The following PRKD3 variants were observed in gnomAD, a reference collection of about 807,000 sequenced individuals.
PRKD3 encodes the protein protein kinase D3.
A neutral mutation model predicts 99.2 loss-of-function variants in PRKD3; 47 were observed. The observed-to-expected ratio is 0.47, with a 90% CI of 0.38 to 0.60. PRKD3 has a LOEUF of 0.60. PRKD3 is among the 20% of genes least tolerant of loss of function. The pLI is 0.00. For missense variants in PRKD3, 1,019 were observed against 1,088.4 expected (o/e 0.94, Z 0.90); for synonymous variants, 392 against 355.4 (o/e 1.10, Z -1.16).
intron 11 of PRKD3, 122 bp downstream of exon 11, chr2:37,274,299 G>A (rs942820907): frequency 5.5e-6 from 6 of 1,098,898 alleles, no homozygotes; most frequent in Non-Finnish European, 7.8e-6. Flanking sequence ...GGTTACTAAA[G>A]TATTGGTTAC....
chr2:37,312,511 G>A (rs563394107), intron 2 of PRKD3, among the ~76,000 whole-genome samples: 2 of 152,286 alleles, frequency 1.3e-5, no homozygotes, highest in Admixed American at 6.5e-5. Flanking sequence ...AGCTCTTATA[G>A]TGTAAATAAG....
At chr2:37,312,446 T>C (rs1229484932) in intron 2 of PRKD3, among the ~76,000 whole-genome samples, 2 of 152,232 alleles carry the variant, frequency 1.3e-5, no homozygotes, top group African/African-American at 2.4e-5. Flanking sequence ...ACAGCTTTTC[T>C]ATCGTACTAC....
At chr2:37,318,868 G>A (rs973954049) in intron 1 of PRKD3, among the ~76,000 whole-genome samples, 14 of 152,054 alleles carry the variant, frequency 9.2e-5, no homozygotes, top group African/African-American at 2.4e-4. Context: ...AAGTTCTGGC[G>A]GCTGGAGAAG....
chr2:37,284,048 GC>G (rs1323614763), intron 6 of PRKD3, among the ~76,000 whole-genome samples: 7 of 151,886 alleles, frequency 4.6e-5, no homozygotes, highest in Admixed American at 2.0e-4. Context: ...CTTTACATAC[GC>G]TTTTAAGCTA....
At chr2:37,292,345 T>G (rs1039462547) in intron 3 of PRKD3, among the ~76,000 whole-genome samples, 62 of 151,452 alleles carry the variant, frequency 4.1e-4, no homozygotes, top group Non-Finnish European at 1.6e-4. Flanking sequence ...TATCCTGATT[T>G]TTTCCTTTTT....
intron 2 of PRKD3, among the ~76,000 whole-genome samples, chr2:37,295,703 T>G (rs1670644560): frequency 6.6e-6 from 1 of 152,250 alleles, no homozygotes. Context: ...ATTAAATTAC[T>G]TGATGGCTGT....
intron 2 of PRKD3, among the ~76,000 whole-genome samples, chr2:37,311,269 C>G (rs1479889336): frequency 1.3e-5 from 2 of 152,180 alleles, no homozygotes; most frequent in Non-Finnish European, 1.5e-5. Flanking sequence ...ATATTTCCAA[C>G]AAGGTGACAG....
chr2:37,300,527 T>G (rs777991736), intron 2 of PRKD3, among the ~76,000 whole-genome samples: 1 of 152,214 alleles, frequency 6.6e-6, no homozygotes, highest in East Asian at 1.9e-4. Context: ...AAGAGTAGAA[T>G]TGGACTGTTC....
chr2:37,315,128 T>C (rs1372227885), intron 2 of PRKD3, among the ~76,000 whole-genome samples: 2 of 152,206 alleles, frequency 1.3e-5, no homozygotes, highest in Admixed American at 1.3e-4. Flanking sequence ...ATAGAAAGTT[T>C]ACAATTTGTT....
chr2:37,277,881 G>C lies in PRKD3; in HGVS notation c.1281C>G (p.Thr427=), dbSNP rs112046816. Residue 427 remains threonine (T), a synonymous_variant, in exon 9 of 19, where the codon ACC becomes ACG. Coordinates refer to ENST00000234179, the MANE Select transcript of PRKD3 (RefSeq NM_005813.6). Reference sequence around the variant, plus strand: ...GATTACTGACCAGGTTATCCCTGCTGGTGTAATGGACCATCCACCCTTCCT... The same window carrying C: ...GATTACTGACCAGGTTATCCCTGCTCGTGTAATGGACCATCCACCCTTCCT... ...MVKEGWMVHY[T]SRDNLRKRHY... is the part of the protein sequence containing the mutation. 1 of 1,613,326 alleles carries C rather than the reference G, an allele frequency of 6.2e-7. No individual in the cohort carries two copies.
intron 8 of PRKD3, chr2:37,278,937 A>C (rs1466709357): frequency 6.7e-6 from 1 of 150,318 alleles, no homozygotes; most frequent in Non-Finnish European, 1.5e-5. Context: ...TCTGTCTCAA[A>C]AAAAAAAAAA....
chr2:37,269,748 T>G (rs1669100079), intron 12 of PRKD3, 61 bp from the exon 13 acceptor site: 9 of 1,205,730 alleles, frequency 7.5e-6, no homozygotes, highest in African/African-American at 1.5e-5. Context: ...TCAACATCTC[T>G]GACTTTCTTC....
At chr2:37,256,560 A>G (rs892974884) in intron 17 of PRKD3, 102 bp downstream of exon 17, 1 of 1,347,392 alleles carries the variant, frequency 7.4e-7, no homozygotes, top group African/African-American at 1.5e-5. Context: ...TGTACTAAAA[A>G]GATAAGTTGC....
chr2:37,260,444 C>G, intron 14 of PRKD3, 60 bp from the exon 15 acceptor site: 1 of 1,425,946 alleles, frequency 7.0e-7, no homozygotes, highest in Non-Finnish European at 9.8e-7. Context: ...TTACTAATAT[C>G]TAGATGTGCT....
At chr2:37,273,408 C>A (rs1228398826) in intron 11 of PRKD3, among the ~76,000 whole-genome samples, 1 of 152,130 alleles carries the variant, frequency 6.6e-6, no homozygotes, top group Non-Finnish European at 1.5e-5. Flanking sequence ...CTTGTCTCAA[C>A]TAAATAATGT....
At chr2:37,319,406 C>T (rs1040506674) in intron 1 of PRKD3, among the ~76,000 whole-genome samples, 1 of 151,920 alleles carries the variant, frequency 6.6e-6, no homozygotes, top group African/African-American at 2.4e-5. Context: ...ATAATAAAGG[C>T]ATAAAGAATA....
At chr2:37,300,751 T>C (rs1334369616) in intron 2 of PRKD3, among the ~76,000 whole-genome samples, 2 of 152,180 alleles carry the variant, frequency 1.3e-5, no homozygotes, top group African/African-American at 4.8e-5. Flanking sequence ...GTATGAGCAA[T>C]ACCCAATGAG....
chr2:37,297,936 C>T (rs1183348949), intron 2 of PRKD3, among the ~76,000 whole-genome samples: 1 of 152,194 alleles, frequency 6.6e-6, no homozygotes, highest in Non-Finnish European at 1.5e-5. Context: ...TCATTATGAG[C>T]AGAGCACTTA....
Position 37,293,125 on chromosome 2 carries a change from T to C in PRKD3, c.427+8A>G, listed in dbSNP as rs373750967. ...AAAGGCAATCACTCTAAAAAGCCAC[T>C]TACTTACCTGAAAGAACCACTTCCA... is the stretch of plus-strand genomic sequence containing the variant. On this transcript the variant is annotated splice_region_variant and intron_variant, in intron 3 of 18. Coordinates refer to ENST00000234179, the MANE Select transcript of PRKD3 (RefSeq NM_005813.6). 2.6e-5 allele frequency: 41 copies of C among 1,555,244 alleles called. No individual in the cohort carries two copies. Among genetic ancestry groups the C allele is most frequent in the Non-Finnish European group, 3.6e-5 (41 of 1,136,266 alleles).
Sources: gnomAD v4.1 joint callset for allele counts (sites outside exome capture counted in the v4.1 genomes callset) on GRCh38, gnomAD v4.1.1 for gene constraint, MANE v1.5 for transcripts, NCBI Gene and HGNC (gene_info 2026-07-23, HGNC 2026-07-21) for gene names.